The following SBF2 variants were observed in gnomAD, a reference collection of about 807,000 sequenced individuals.
SBF2 encodes SET binding factor 2, also known as myotubularin-related protein 13.
A neutral mutation model predicts 225.2 loss-of-function variants in SBF2; 112 were observed. The observed-to-expected ratio is 0.50, with a 90% CI of 0.43 to 0.58. The LOEUF (loss-of-function observed/expected upper bound fraction) is 0.58. SBF2 is among the 20% of genes least tolerant of loss of function. The pLI is 0.00. For synonymous variants in SBF2, 763 were observed against 773.3 expected (o/e 0.99, Z 0.22); for missense variants, 1,996 against 2,206.2 (o/e 0.90, Z 1.91).
At chr11:10,149,277 T>C (rs773510133) in intron 2 of SBF2, 6 of 152,236 alleles carry the variant, frequency 3.9e-5, no homozygotes, top group Non-Finnish European at 8.8e-5. Flanking sequence ...GCCACTCGGC[T>C]ACACGTAAGA....
intron 1 of SBF2, among the ~76,000 whole-genome samples, chr11:10,304,127 G>C (rs1340970733): frequency 3.3e-5 from 5 of 152,158 alleles, no homozygotes; most frequent in Non-Finnish European, 5.9e-5. Flanking sequence ...AATGGGAAAA[G>C]GAATGTTACC....
intron 2 of SBF2, among the ~76,000 whole-genome samples, chr11:10,135,567 T>G (rs1372486256): frequency 3.3e-5 from 5 of 152,210 alleles, no homozygotes; most frequent in African/African-American, 1.2e-4. Context: ...CTTATAAATT[T>G]CTTCTCCCAC....
rs201287022 is a variant in SBF2, at chr11:9,785,200, A to T, written c.5156T>A (p.Ile1719Asn). The T allele has an allele frequency of 3.1e-6, 5 of 1,614,118 alleles. No individual in the cohort carries two copies. The highest frequency in any genetic ancestry group is 4.2e-6 in the Non-Finnish European group (5 of 1,180,024). The change falls in exon 37 of 40, where the codon ATC becomes AAC. Residue 1719 changes from isoleucine to asparagine, a missense_variant. Coordinates refer to ENST00000256190, the MANE Select transcript of SBF2 (RefSeq NM_030962.4). ...TCGCTCCACTCCATTGGATGGGGAG[A>T]TGCTGGAATTCTGTTCCTCCCCCAT... The part of the protein sequence containing the change: ...SSMGEEQNSS[I>N]SPSNGVERRA...
chr11:10,196,866 A>ATATATATATATATATATATATATTTTT, intron 1 of SBF2, among the ~76,000 whole-genome samples: 23 of 99,270 alleles, frequency 2.3e-4, no homozygotes, highest in South Asian at 3.5e-4. Flanking sequence ...ATATATATAT[A>ATATATATATATATATATATATATTTTT]TTTTTTTTTT....
chr11:10,166,532 T>C (rs1955957159), intron 2 of SBF2, among the ~76,000 whole-genome samples: 1 of 152,180 alleles, frequency 6.6e-6, no homozygotes. Flanking sequence ...TACTTCTATA[T>C]TTATACACAA....
At chr11:10,258,629 T>A (rs1565409349) in intron 1 of SBF2, among the ~76,000 whole-genome samples, 1 of 152,228 alleles carries the variant, frequency 6.6e-6, no homozygotes, top group Non-Finnish European at 1.5e-5. Context: ...TTACTGCTCA[T>A]CCATACACCA....
intron 11 of SBF2, among the ~76,000 whole-genome samples, 182 bp from the exon 12 acceptor site, chr11:9,992,725 T>C (rs1947492641): frequency 6.6e-6 from 1 of 152,120 alleles, no homozygotes; most frequent in South Asian, 2.1e-4. Context: ...TTGAAAAGAA[T>C]AAAAATGAAT....
chr11:10,234,346 ATAGT>A (rs1958976312), intron 1 of SBF2, among the ~76,000 whole-genome samples: 2 of 152,174 alleles, frequency 1.3e-5, no homozygotes, highest in South Asian at 4.1e-4. Context: ...TTTCTATAGC[ATAGT>A]TAGACCATTT....
intron 16 of SBF2, among the ~76,000 whole-genome samples, chr11:9,911,789 T>C (rs1246619471): frequency 2.0e-5 from 3 of 152,208 alleles, no homozygotes; most frequent in Admixed American, 6.5e-5. Flanking sequence ...TGTGTAGATA[T>C]GTTTAGATAT....
intron 16 of SBF2, chr11:9,958,708 G>A: frequency 8.0e-6 from 3 of 374,488 alleles, no homozygotes; most frequent in Middle Eastern, 8.7e-4. Context: ...GAAGTACTAG[G>A]AGGGGCTTGA....
intron 1 of SBF2, among the ~76,000 whole-genome samples, chr11:10,284,525 T>C (rs756681462): frequency 8.5e-5 from 13 of 152,144 alleles, no homozygotes; most frequent in Non-Finnish European, 1.3e-4. Flanking sequence ...TCTATATAAT[T>C]CAAATAGCAT....
chr11:9,790,567 A>C lies in SBF2; in HGVS notation c.4687T>G (p.Leu1563Val). The part of the protein sequence containing the change: ...PIFFNYLYSP[L>V]EIEALKPNVN... ...ATTTCTTACTCTACCTCTATTTCCA[A>C]TGGTGAATATAAATAATTAAAGAAA... Residue 1563 changes from leucine to valine, a missense_variant, in exon 34 of 40, where the codon TTG (leucine) becomes GTG (valine). Transcript: ENST00000256190. 1 of 1,584,424 alleles carries C rather than the reference A, an allele frequency of 6.3e-7. No homozygotes were observed. The highest frequency in any genetic ancestry group is 8.6e-7 in the Non-Finnish European group (1 of 1,156,572).
At chr11:9,797,273 A>G (rs1317339776) in intron 32 of SBF2, among the ~76,000 whole-genome samples, 1 of 152,226 alleles carries the variant, frequency 6.6e-6, no homozygotes, top group African/African-American at 2.4e-5. Context: ...TCATTGATTT[A>G]TCAAAATTTA....
rs373616505 is a variant in SBF2, at chr11:9,840,252, C to CAAAAA, written c.3257-561_3257-557dup. 1.1e-4 allele frequency among the ~76,000 whole-genome samples: 11 copies of CAAAAA among 97,924 alleles called. 1 individual carries two copies. The highest frequency in any genetic ancestry group is 3.1e-4 in the South Asian group (1 of 3,196). The allele number at this position is 97,924 out of a possible 152,430, so 64.2% of individuals were successfully genotyped here. A position where few individuals can be genotyped will look rare whatever the true frequency, so the allele number is the denominator to read the frequency against. ...TTGTCTCAAACCCCGCCCCCAGCCGCAAAAAAAAAAAAAAACAAACCCGCT... is the reference window on the plus strand; with the variant it reads ...TTGTCTCAAACCCCGCCCCCAGCCGCAAAAAAAAAAAAAAAAAAAACAAACCCGCT... On this transcript the variant is annotated intron_variant, in intron 25 of 39. Transcript: ENST00000256190.
At chr11:10,289,176 C>T (rs1014827697) in intron 1 of SBF2, among the ~76,000 whole-genome samples, 1 of 152,250 alleles carries the variant, frequency 6.6e-6, no homozygotes, top group African/African-American at 2.4e-5. Context: ...CCCAACCCCG[C>T]TCCGAGATTG....
chr11:9,977,117 T>G (rs1946732089), intron 13 of SBF2, among the ~76,000 whole-genome samples: 1 of 152,160 alleles, frequency 6.6e-6, no homozygotes, highest in Non-Finnish European at 1.5e-5. Context: ...TTGGCCTATC[T>G]TTTTGTCTTG....
In SBF2 at chr11:10,135,411, G is replaced by A. The variant is rs146521564; in HGVS notation, c.141+58491C>T. Among the ~76,000 whole-genome samples, 48 of 152,342 alleles carry A rather than the reference G, an allele frequency of 3.2e-4. No individual in the cohort carries two copies. In the East Asian group the frequency reaches 8.3e-3, roughly 26 times the overall value. On this transcript the variant is annotated intron_variant, in intron 2 of 39. Transcript: ENST00000256190. ...CTCGTTACTTATGCAAATTTCTGCA[G>A]CTGGCTTGAATTTCTCCTTAGAAAA... is the stretch of plus-strand genomic sequence containing the variant.
intron 17 of SBF2, among the ~76,000 whole-genome samples, chr11:9,882,766 G>C (rs1196582988): frequency 3.1e-5 from 4 of 127,664 alleles, no homozygotes; most frequent in Non-Finnish European, 4.8e-5. Flanking sequence ...TGAGATTGCG[G>C]TACTGCACTC....
intron 6 of SBF2, among the ~76,000 whole-genome samples, chr11:10,018,697 T>C (rs1008708776): frequency 6.6e-6 from 1 of 152,232 alleles, no homozygotes; most frequent in African/African-American, 2.4e-5. Flanking sequence ...AACTACTTTC[T>C]TCACATGTGA....
Sources: gnomAD v4.1 joint callset for allele counts (sites outside exome capture counted in the v4.1 genomes callset) on GRCh38, gnomAD v4.1.1 for gene constraint, MANE v1.5 for transcripts, NCBI Gene and HGNC (gene_info 2026-07-23, HGNC 2026-07-21) for gene names.